ZNF544: variants seen among roughly 807,000 people sequenced by gnomAD.
ZNF544 encodes the protein zinc finger protein 544, also known as zinc finger protein AF020591.
ZNF544 carries 10 observed loss-of-function variants against 13.5 expected under a neutral mutation model. The observed-to-expected ratio is 0.74, with a 90% CI of 0.46 to 1.25. The LOEUF (loss-of-function observed/expected upper bound fraction) is 1.25. Among genes scored for constraint, ZNF544 ranks in the 50% most tolerant of loss-of-function variants. The pLI, the probability that ZNF544 is intolerant of heterozygous loss-of-function variation, is 0.00. For synonymous variants in ZNF544, 323 were observed against 300.5 expected, an observed-to-expected ratio of 1.07 and a Z score of -0.77; for missense variants, 896 against 845.6, an observed-to-expected ratio of 1.06 and a Z score of -0.74.
At chr19:58,252,233 C>G (rs554712330) in intron 6 of ZNF544, among the ~76,000 whole-genome samples, 37 of 152,320 alleles carry the variant, frequency 2.4e-4, no homozygotes, top group African/African-American at 8.7e-4. Context: ...ACCCTCCAAA[C>G]TTTGGCAAGA....
downstream of ZNF544, chr19:58,263,841 T>G (rs2049475691): frequency 6.5e-6 from 1 of 152,838 alleles, no homozygotes; most frequent in Non-Finnish European, 1.5e-5. Flanking sequence ...ACACCTGTAA[T>G]CCCAGCACTT....
chr19:58,240,002 G>A lies in ZNF544; in HGVS notation c.-59-3963G>A, dbSNP rs1350779926. On this transcript the variant is annotated intron_variant, in intron 3 of 6. Coordinates refer to ENST00000687789, the MANE Select transcript of ZNF544 (RefSeq NM_014480.4). ...CTCATTCAGCTCCCAGTGGAGTTGC[G>A]TAGACAGTGCTTAATTCTCCAAACG... is the stretch of plus-strand genomic sequence containing the variant. Among the ~76,000 whole-genome samples, 4 of 152,130 alleles carry A rather than the reference G, an allele frequency of 2.6e-5. No individual in the cohort carries two copies. In the South Asian group the frequency reaches 6.2e-4, roughly 24 times the overall value.
chr19:58,273,768 A>T (rs2050963424), intron 5 of ZNF544, among the ~76,000 whole-genome samples: 1 of 151,692 alleles, frequency 6.6e-6, no homozygotes, highest in Non-Finnish European at 1.5e-5. Context: ...CACTCTTAAA[A>T]GTCACTGAAG....
chr19:58,273,571 T>G lies in ZNF544; in HGVS notation c.245-2752T>G, dbSNP rs967074423. On this transcript the variant is annotated intron_variant, in intron 5 of 6. Transcript: ENST00000595981. The stretch of plus-strand genomic sequence containing the variant: ...CGGGCGTGGTGGCGGGTGTCTGTAA[T>G]CCCAGCTATTTGGGAGGATGAGGCA... Among the ~76,000 whole-genome samples, 7 of 151,018 alleles carry G rather than the reference T, an allele frequency of 4.6e-5. No homozygotes were observed. In the East Asian group the frequency reaches 1.4e-3, roughly 30 times the overall value.
chr19:58,268,497 C>T (rs1335379446), downstream of ZNF544, among the ~76,000 whole-genome samples: 1 of 152,084 alleles, frequency 6.6e-6, no homozygotes, highest in Non-Finnish European at 1.5e-5. Flanking sequence ...TCAGCAAGGC[C>T]GTTTTTACTT....
chr19:58,252,536 A>G (rs2046454131), intron 6 of ZNF544, among the ~76,000 whole-genome samples: 1 of 152,166 alleles, frequency 6.6e-6, no homozygotes, highest in Non-Finnish European at 1.5e-5. Context: ...CTTGTTTCAT[A>G]AATAACCCTT....
intron 3 of ZNF544, among the ~76,000 whole-genome samples, chr19:58,233,422 C>T (rs546643744): frequency 2.0e-5 from 3 of 151,830 alleles, no homozygotes; most frequent in Non-Finnish European, 4.4e-5. Flanking sequence ...GGACCAGACA[C>T]CATAGCATAG....
At chr19:58,232,346 CTTTT>C (rs71190011) in intron 3 of ZNF544, among the ~76,000 whole-genome samples, 1 of 75,230 alleles carries the variant, frequency 1.3e-5, no homozygotes, top group Non-Finnish European at 2.4e-5. Context: ...ACAATTTTAT[CTTTT>C]TTTTTTTTTT....
intron 5 of ZNF544, among the ~76,000 whole-genome samples, chr19:58,273,181 CA>C (rs543937467): frequency 7.8e-4 from 102 of 130,630 alleles, no homozygotes; most frequent in Admixed American, 7.0e-4. Context: ...AACTCTGTCT[CA>C]AAAAAAAAAA....
At chr19:58,256,836 C>T (rs1228940585) in intron 6 of ZNF544, among the ~76,000 whole-genome samples, 1 of 152,144 alleles carries the variant, frequency 6.6e-6, no homozygotes, top group Non-Finnish European at 1.5e-5. Flanking sequence ...GTCCGGCCTT[C>T]CCAGCTAGAG....
intron 5 of ZNF544, among the ~76,000 whole-genome samples, chr19:58,270,087 T>C (rs966155636): frequency 1.3e-5 from 2 of 152,232 alleles, no homozygotes; most frequent in Non-Finnish European, 2.9e-5. Context: ...AGGTAAATTG[T>C]GCTCAAACTA....
chr19:58,255,966 A>C (rs971860602), intron 6 of ZNF544, among the ~76,000 whole-genome samples: 3 of 152,220 alleles, frequency 2.0e-5, no homozygotes, highest in Admixed American at 2.0e-4. Context: ...AAAGAGAAAA[A>C]GGAAAAGGAC....
At chr19:58,266,423 G>A (rs1455271027), downstream of ZNF544, among the ~76,000 whole-genome samples, 1 of 148,644 alleles carries the variant, frequency 6.7e-6, no homozygotes, top group South Asian at 2.1e-4. Context: ...GCTGAGGCAG[G>A]AGAATGGCAT....
downstream of ZNF544, among the ~76,000 whole-genome samples, chr19:58,269,051 CA>C (rs1452636430): frequency 6.6e-6 from 1 of 152,168 alleles, no homozygotes; most frequent in African/African-American, 2.4e-5. Context: ...GAAACTTCCC[CA>C]GGGCTGAAAG....
At chr19:58,242,335 C>A in intron 3 of ZNF544, 7 of 953,274 alleles carry the variant, frequency 7.3e-6, no homozygotes, top group Non-Finnish European at 8.7e-6. Context: ...AAATACAGCA[C>A]AGAGAAAGCA....
chr19:58,256,883 TA>T (rs1250990732), intron 6 of ZNF544, among the ~76,000 whole-genome samples: 1 of 152,102 alleles, frequency 6.6e-6, no homozygotes, highest in African/African-American at 2.4e-5. Context: ...GCTAGGTGAT[TA>T]AAGAGACAAG....
intron 6 of ZNF544, among the ~76,000 whole-genome samples, chr19:58,251,097 C>G (rs778597368): frequency 6.6e-6 from 1 of 152,102 alleles, no homozygotes; most frequent in Non-Finnish European, 1.5e-5. Flanking sequence ...GGGGTGGATA[C>G]CTATGCTGTC....
chr19:58,235,467 A>G (rs1011224663), intron 3 of ZNF544, among the ~76,000 whole-genome samples: 1 of 152,150 alleles, frequency 6.6e-6, no homozygotes, highest in Non-Finnish European at 1.5e-5. Flanking sequence ...AAGATGTTGG[A>G]TTATTTATTA....
intron 6 of ZNF544, among the ~76,000 whole-genome samples, chr19:58,253,441 T>G (rs948416249): frequency 2.4e-4 from 36 of 152,266 alleles, no homozygotes; most frequent in Non-Finnish European, 4.4e-4. Context: ...TAGTCTGATT[T>G]GTTTATTTAT....
Sources: gnomAD v4.1 joint callset for allele counts (sites outside exome capture counted in the v4.1 genomes callset) on GRCh38, gnomAD v4.1.1 for gene constraint, MANE v1.5 for transcripts, NCBI Gene and HGNC (gene_info 2026-07-23, HGNC 2026-07-21) for gene names.